GRN: variants seen among roughly 807,000 people sequenced by gnomAD.
The protein encoded by GRN is granulin precursor.
In GRN, 30 loss-of-function variants were observed where a neutral mutation model predicts 66.7. The ratio of observed to expected loss-of-function variants is 0.45; its 90% CI spans 0.34 to 0.61. The LOEUF (loss-of-function observed/expected upper bound fraction) is 0.61. Among genes scored for constraint, GRN ranks in the 20% least tolerant of loss-of-function variants. The probability of loss-of-function intolerance (pLI) is 0.01; values close to 1 mark genes in which losing one functional copy is unlikely to be tolerated. For synonymous variants in GRN, 327 were observed against 311.1 expected, an observed-to-expected ratio of 1.05 and a Z score of -0.54; for missense variants, 731 against 803.5, an observed-to-expected ratio of 0.91 and a Z score of 1.09.
Position 44,352,755 on chromosome 17 carries a change from G to C in GRN, c.1739G>C (p.Trp580Ser). Residue 580 changes from tryptophan (W) to serine (S), a missense_variant, in exon 13 of 13, where the codon TGG (tryptophan) becomes TCG (serine). Transcript: ENST00000053867. ...TKCLRREAPR[W>S]DAPLRDPALR... ...TGTTTGCGCAGGGAGGCCCCGCGCT[G>C]GGACGCCCCTTTGAGGGACCCAGCC... 6.2e-7 allele frequency: 1 copy of C among 1,611,788 alleles called. No individual in the cohort carries two copies. The highest frequency in any genetic ancestry group is 8.5e-7 in the Non-Finnish European group (1 of 1,179,954).
In GRN at chr17:44,351,596, C is replaced by T. The variant is rs372798410; in HGVS notation, c.980C>T (p.Thr327Met). 6.8e-6 allele frequency: 11 copies of T among 1,613,930 alleles called. No individual in the cohort carries two copies. Among genetic ancestry groups the T allele is most frequent in the South Asian group, 2.2e-5 (2 of 91,092 alleles). The change falls in exon 10 of 13, where the codon ACG (threonine) becomes ATG (methionine). Residue 327 changes from threonine to methionine, a missense_variant. Physicochemically the swap from Thr to Met is moderately conservative, Grantham distance 81. Transcript: ENST00000053867. ...DHIHCCPAGFTCDTQKGTCEQ... is the reference protein window; with the variant it reads ...DHIHCCPAGFMCDTQKGTCEQ... ...ATACACTGCTGTCCCGCGGGGTTTACGTGTGACACGCAGAAGGGTACCTGT... is the reference window on the plus strand; with the variant it reads ...ATACACTGCTGTCCCGCGGGGTTTATGTGTGACACGCAGAAGGGTACCTGT...
Position 44,350,772 on chromosome 17 carries a change from G to C in GRN, c.680G>C (p.Gly227Ala), listed in dbSNP as rs1294040466. ...DGSTCCELPS[G>A]KYGCCPMPNA... Reference sequence around the variant, plus strand: ...TCTACCTGCTGTGAGCTGCCCAGTGGGAAGTATGGCTGCTGCCCAATGCCC... The same window carrying C: ...TCTACCTGCTGTGAGCTGCCCAGTGCGAAGTATGGCTGCTGCCCAATGCCC... The change falls in exon 7 of 13, where the codon GGG becomes GCG. Residue 227 changes from glycine (G) to alanine (A), a missense_variant. By Grantham distance (60) the Gly-to-Ala change is moderately conservative. This residue lies in a region of GRN where 370 missense variants were observed against 379.8 expected (regional missense o/e 0.97). Coordinates refer to ENST00000053867, the MANE Select transcript of GRN (RefSeq NM_002087.4). 4.3e-6 allele frequency: 7 copies of C among 1,613,624 alleles called. No individual in the cohort carries two copies. Among genetic ancestry groups the C allele is most frequent in the Non-Finnish European group, 5.9e-6 (7 of 1,179,530 alleles).
At position 44,351,730 on chromosome 17, in the gene GRN, TG is replaced by T. The variant is rs1430886919; in HGVS notation, c.1115del (p.Cys372PhefsTer40). Reference protein sequence around the residue: ...RDVPCDNVSSCPSSDTCCQLT... With the variant: ...RDVPCDNVSSXPSSDTCCQLT... ...TGTCCCCTGTGATAATGTCAGCAGC[TG>T]TCCCTCCTCCGATACCTGCTGCCAA... On this transcript the variant is annotated frameshift_variant, in exon 10 of 13. Coordinates refer to ENST00000053867, the MANE Select transcript of GRN (RefSeq NM_002087.4). LOFTEE classifies it high-confidence loss of function. 6.2e-7 allele frequency: 1 copy of T among 1,613,714 alleles called. No individual in the cohort carries two copies. The highest frequency in any genetic ancestry group is 8.5e-7 in the Non-Finnish European group (1 of 1,179,926).
chr17:44,349,826 G>C, intron 4 of GRN, 75 bp downstream of exon 4: 1 of 1,003,768 alleles, frequency 1.0e-6, no homozygotes, highest in Non-Finnish European at 1.6e-6. Flanking sequence ...CCCAGCTGGC[G>C]GGGGCAGCCC....
In GRN at chr17:44,353,021, C is replaced by G; in HGVS notation, c.*223C>G. The G allele has an allele frequency of 1.6e-6, 1 of 607,750 alleles. No individual in the cohort carries two copies. Among genetic ancestry groups the G allele is most frequent in the Non-Finnish European group, 2.9e-6 (1 of 341,368 alleles). The allele number at this position is 607,750 out of a possible 1,614,324, so 37.6% of individuals were successfully genotyped here. On this transcript the variant is annotated 3_prime_UTR_variant, in exon 13 of 13. Coordinates refer to ENST00000053867, the MANE Select transcript of GRN (RefSeq NM_002087.4). ...CCATCCCCTCCCCGTTTCAGTGGAC[C>G]CTGTGGCCAGGTGCTTTTCCCTATC...
At position 44,350,858 on chromosome 17, in the gene GRN, C is replaced by T. The variant is rs151214504; in HGVS notation, c.708+58C>T. 4.2e-4 allele frequency: 605 copies of T among 1,454,072 alleles called. 4 individuals are homozygous for T. The highest frequency in any genetic ancestry group is 3.3e-3 in the African/African-American group (236 of 71,956). The allele number at this position is 1,454,072 out of a possible 1,614,324, so 90.1% of individuals were successfully genotyped here. The stretch of plus-strand genomic sequence containing the variant: ...TGCCCCCAGCCACCTGGCCCTGACA[C>T]GCACCTTACAGGGGCTCTGTGGCAT... On this transcript the variant is annotated intron_variant, in intron 7 of 12. Transcript: ENST00000053867.
rs769106670 is a variant in GRN at position 44,352,773 on chromosome 17, AC to A, written c.1760del (p.Pro587GlnfsTer3). ...CCGCGCTGGGACGCCCCTTTGAGGG[AC>A]CCAGCCTTGAGACAGCTGCTGTGAG... The part of the protein sequence containing the change: ...EAPRWDAPLR[D>X]PALRQLL On this transcript the variant is annotated frameshift_variant, in exon 13 of 13. Transcript: ENST00000053867. LOFTEE classifies it high-confidence loss of function. 7.4e-6 allele frequency: 12 copies of A among 1,611,764 alleles called. No homozygotes were observed. The highest frequency in any genetic ancestry group is 3.3e-5 in the South Asian group (3 of 91,096).
Position 44,349,425 on chromosome 17 carries a change from G to T in GRN, c.139-1G>T. On this transcript the variant is annotated splice_acceptor_variant, in intron 2 of 12. Transcript: ENST00000053867. LOFTEE classifies it high-confidence loss of function. ...GTTTATCATTTTCCCTGTCTTTCTAGGACAAATGGCCCACAACACTGAGCA... is the reference window on the plus strand; with the variant it reads ...GTTTATCATTTTCCCTGTCTTTCTATGACAAATGGCCCACAACACTGAGCA... 2 of 1,614,242 alleles carry T rather than the reference G, an allele frequency of 1.2e-6. No homozygotes were observed. The highest frequency in any genetic ancestry group is 1.7e-6 in the Non-Finnish European group (2 of 1,180,044).
chr17:44,351,429 C>CG lies in GRN; in HGVS notation c.907dup (p.Ala303GlyfsTer14). On this transcript the variant is annotated frameshift_variant, in exon 9 of 13. Coordinates refer to ENST00000053867, the MANE Select transcript of GRN (RefSeq NM_002087.4). LOFTEE classifies it high-confidence loss of function. ...GGCTATACCTGCTGCCGTCTACAGT[C>CG]GGGGGCCTGGGGCTGCTGCCCTTTT... 1 of 1,354,732 alleles carries CG rather than the reference C, an allele frequency of 7.4e-7. No homozygotes were observed. Among genetic ancestry groups the CG allele is most frequent in the Non-Finnish European group, 9.9e-7 (1 of 1,009,320 alleles). 83.9% of individuals were successfully genotyped at this position (1,354,732 alleles called of 1,614,324 possible).
chr17:44,351,966 C>G (rs574857626), intron 10 of GRN, 49 bp from the exon 11 acceptor site: 1 of 1,503,134 alleles, frequency 6.7e-7, no homozygotes, highest in Non-Finnish European at 9.2e-7. Context: ...CTCGGCACTG[C>G]GCCCCACATA....
chr17:44,352,265 C>T lies in GRN; in HGVS notation c.1413+17C>T, dbSNP rs771188773. On this transcript the variant is annotated intron_variant, in intron 11 of 12. Transcript: ENST00000053867. ...TTGCCCCATGTGAGTGCCTCCCTGC[C>T]TGCCCCTGGATAGGGGAGCTAAGCC... 1 of 1,603,562 alleles carries T rather than the reference C, an allele frequency of 6.2e-7. No homozygotes were observed. The highest frequency in any genetic ancestry group is 8.5e-7 in the Non-Finnish European group (1 of 1,172,510).
chr17:44,352,229 C>T lies in GRN; in HGVS notation c.1394C>T (p.Ala465Val). ...TCCPSLGGSW[A>V]CCQLPHAVCC... ...TGCCCGAGCCTGGGTGGGAGCTGGG[C>T]CTGCTGCCAGTTGCCCCATGTGAGT... is the stretch of plus-strand genomic sequence containing the variant. Residue 465 changes from alanine to valine, a missense_variant, in exon 11 of 13, where the codon GCC (alanine) becomes GTC (valine). Physicochemically the swap from Ala to Val is moderately conservative, Grantham distance 64 (BLOSUM62 0). Transcript: ENST00000053867. 1 of 1,612,072 alleles carries T rather than the reference C, an allele frequency of 6.2e-7. No individual in the cohort carries two copies. The highest frequency in any genetic ancestry group is 8.5e-7 in the Non-Finnish European group (1 of 1,179,418).
At chr17:44,349,111 G>A (rs549161409) in intron 1 of GRN, 47 bp from the exon 2 acceptor site, 2 of 1,607,150 alleles carry the variant, frequency 1.2e-6, no homozygotes, top group South Asian at 1.1e-5. Context: ...AGAATCAAGG[G>A]TGGCGTGGGC....
intron 8 of GRN, 100 bp downstream of exon 8, chr17:44,351,263 A>G: frequency 6.5e-7 from 1 of 1,539,036 alleles, no homozygotes; most frequent in Admixed American, 1.7e-5. Flanking sequence ...GGTACCCTCC[A>G]TCTTCAACAC....
In GRN at chr17:44,351,677, T is replaced by A; in HGVS notation, c.1061T>A (p.Leu354Gln). Residue 354 changes from leucine (L) to glutamine (Q), a missense_variant, in exon 10 of 13, where the codon CTG (leucine) becomes CAG (glutamine). Physicochemically the swap from Leu to Gln is moderately radical, Grantham distance 113. Around this residue, in one of 3 missense-constraint regions of GRN, gnomAD observed 319 missense variants for 347.2 expected, o/e 0.92. Transcript: ENST00000053867. The stretch of plus-strand genomic sequence containing the variant: ...GAGAAGGCCCCAGCTCACCTCAGCC[T>A]GCCAGACCCACAAGCCTTGAAGAGA... ...WMEKAPAHLS[L>Q]PDPQALKRDV... is the part of the protein sequence containing the mutation. 1 of 1,614,094 alleles carries A rather than the reference T, an allele frequency of 6.2e-7. No individual in the cohort carries two copies. Among genetic ancestry groups the A allele is most frequent in the Non-Finnish European group, 8.5e-7 (1 of 1,180,002 alleles).
intron 1 of GRN, among the ~76,000 whole-genome samples, chr17:44,347,460 T>C (rs1160014891): frequency 6.6e-6 from 1 of 151,916 alleles, no homozygotes; most frequent in African/African-American, 2.4e-5. Context: ...GGCTAATTTT[T>C]GTATTTTTAA....
Position 44,349,216 on chromosome 17 carries a change from A to G in GRN, c.52A>G (p.Thr18Ala), listed in dbSNP as rs1003823098. ...CTTAACAGCAGGGCTGGTGGCTGGA[A>G]CGCGGTGCCCAGATGGTCAGTTCTG... ...VALTAGLVAG[T>A]RCPDGQFCPV... The change falls in exon 2 of 13, where the codon ACG becomes GCG. Residue 18 changes from threonine to alanine, a missense_variant. Physicochemically the swap from Thr to Ala is moderately conservative, Grantham distance 58. Coordinates refer to ENST00000053867, the MANE Select transcript of GRN (RefSeq NM_002087.4). 1 of 1,614,064 alleles carries G rather than the reference A, an allele frequency of 6.2e-7. No homozygotes were observed. The highest frequency in any genetic ancestry group is 8.5e-7 in the Non-Finnish European group (1 of 1,179,984).
chr17:44,351,567 C>T lies in GRN; in HGVS notation c.951C>T (p.Asp317=), dbSNP rs755482916. The T allele has an allele frequency of 3.1e-6, 5 of 1,614,058 alleles. No individual in the cohort carries two copies. The South Asian group carries it at 5.5e-5, about 18-fold the overall frequency. The change falls in exon 10 of 13, where the codon GAC becomes GAT. Residue 317 remains aspartate, a synonymous_variant. Transcript: ENST00000053867. ...TGCCCTAGGCTGTGTGCTGTGAGGACCACATACACTGCTGTCCCGCGGGGT... is the reference window on the plus strand; with the variant it reads ...TGCCCTAGGCTGTGTGCTGTGAGGATCACATACACTGCTGTCCCGCGGGGT... ...CPFTQAVCCE[D]HIHCCPAGFT...
rs761530797 is a variant in GRN, at chr17:44,351,156, G to A, written c.828G>A (p.Ala276=). ...CGGACCTCCTCACTAAGCTGCCTGCGCACACAGGTACCAGAGGCAGGGTGC... is the reference window on the plus strand; with the variant it reads ...CGGACCTCCTCACTAAGCTGCCTGCACACACAGGTACCAGAGGCAGGGTGC... The part of the protein sequence containing the change: ...ATTDLLTKLP[A]HTVGDVKCDM... Residue 276 remains alanine (A), a synonymous_variant, in exon 8 of 13, where the codon GCG becomes GCA. Transcript: ENST00000053867. 14 of 1,614,016 alleles carry A rather than the reference G, an allele frequency of 8.7e-6. No individual in the cohort carries two copies. Among genetic ancestry groups the A allele is most frequent in the East Asian group, 6.7e-5 (3 of 44,896 alleles).
Sources: allele counts gnomAD v4.1 joint callset (sites outside exome capture counted in the v4.1 genomes callset), GRCh38; gene constraint gnomAD v4.1.1; regional missense constraint gnomAD v4.1.1; transcripts MANE v1.5; gene names NCBI Gene and HGNC (gene_info 2026-07-23, HGNC 2026-07-21).